Variants in DST observed in about 807,000 individuals in gnomAD.
The protein encoded by DST is dystonin.
Under a neutral mutation model 875.2 loss-of-function variants are expected in DST, and 253 were observed. The observed-to-expected ratio is 0.29, with a 90% CI of 0.26 to 0.32. The LOEUF is 0.32. DST is among the 10% of genes least tolerant of loss of function. The pLI is 1.00. For missense variants in DST, 8,287 were observed against 9,111.6 expected (o/e 0.91, Z 3.68); for synonymous variants, 3,124 against 3,197.1 (o/e 0.98, Z 0.77).
At chr6:56,700,038 A>AGCAGC (rs1238021583) in intron 8 of DST, among the ~76,000 whole-genome samples, 1 of 152,224 alleles carries the variant, frequency 6.6e-6, no homozygotes, top group Non-Finnish European at 1.5e-5. Flanking sequence ...GCAGCAGGTT[A>AGCAGC]GCAGCGGCCC....
At chr6:56,813,527 ATTCCAG>A (rs2099763157) in intron 4 of DST, among the ~76,000 whole-genome samples, 1 of 152,204 alleles carries the variant, frequency 6.6e-6, no homozygotes, top group African/African-American at 2.4e-5. Context: ...TATTTAAAAT[ATTCCAG>A]TTCTTTTACC....
intron 2 of DST, among the ~76,000 whole-genome samples, chr6:56,927,101 T>C (rs1807590053): frequency 6.6e-6 from 1 of 152,228 alleles, no homozygotes; most frequent in Non-Finnish European, 1.5e-5. Flanking sequence ...GCTGCCTGTT[T>C]CACAGTTTGA....
At chr6:56,652,781 C>A (rs781141474) in intron 10 of DST, among the ~76,000 whole-genome samples, 4 of 152,152 alleles carry the variant, frequency 2.6e-5, no homozygotes, top group African/African-American at 4.8e-5. Flanking sequence ...ATGTTTTCAA[C>A]CTGCCACCAA....
rs778565514 is a variant in DST, at chr6:56,646,006, A to G, written c.1651-13T>C. 1.2e-6 allele frequency: 2 copies of G among 1,607,066 alleles called. No individual in the cohort carries two copies. The highest frequency in any genetic ancestry group is 2.2e-5 in the South Asian group (2 of 89,088). On this transcript the variant is annotated splice_polypyrimidine_tract_variant and intron_variant, in intron 14 of 103. Transcript: ENST00000680361. ...ATTCTATCCAAATCTTGAGAAAACA[A>G]AAAACTTTAATGTGAAGCAAAAATG... is the stretch of plus-strand genomic sequence containing the variant.
At chr6:56,761,336 C>T (rs769449890) in intron 4 of DST, among the ~76,000 whole-genome samples, 1 of 152,168 alleles carries the variant, frequency 6.6e-6, no homozygotes, top group Non-Finnish European at 1.5e-5. Context: ...AAGTGGGGGG[C>T]AAATTGTTAT....
At chr6:56,495,687 TGAA>T in intron 82 of DST, among the ~76,000 whole-genome samples, 2 of 152,074 alleles carry the variant, frequency 1.3e-5, no homozygotes, top group East Asian at 3.9e-4. Context: ...ACTTTTCCAG[TGAA>T]ACAAATAGGT....
rs889319324 is a variant in DST at position 56,641,985 on chromosome 6, A to G, written c.1989T>C (p.Ile663=). Residue 663 remains isoleucine, a synonymous_variant, in exon 17 of 104, where the codon ATT becomes ATC. Coordinates refer to ENST00000680361, the MANE Select transcript of DST (RefSeq NM_001374736.1). ...GATCTGCCTGGTAGTATTTTCCATC[A>G]ATAAGAATCTGTACATCAATTACAT... ...RQHVIDVQIL[I]DGKYYQADQL... 1.2e-6 allele frequency: 2 copies of G among 1,613,466 alleles called. No homozygotes were observed. Among genetic ancestry groups the G allele is most frequent in the Non-Finnish European group, 8.5e-7 (1 of 1,179,778 alleles).
At chr6:56,598,274 CTTAAATA>C (rs1156495387) in intron 46 of DST, among the ~76,000 whole-genome samples, 195 bp downstream of exon 46, 1 of 152,170 alleles carries the variant, frequency 6.6e-6, no homozygotes, top group Non-Finnish European at 1.5e-5. Context: ...CACAACCTCA[CTTAAATA>C]TTAAGAAAAA....
intron 3 of DST, among the ~76,000 whole-genome samples, chr6:56,874,335 T>C (rs1047273324): frequency 2.0e-5 from 3 of 152,086 alleles, no homozygotes; most frequent in African/African-American, 7.2e-5. Context: ...CGAGATCCCA[T>C]CTCTTAAAAA....
intron 4 of DST, among the ~76,000 whole-genome samples, chr6:56,810,955 G>A (rs988643372): frequency 1.3e-5 from 2 of 151,954 alleles, no homozygotes; most frequent in Non-Finnish European, 2.9e-5. Flanking sequence ...GCAGAGGCAG[G>A]AGGATCGTTT....
rs553263227 is a variant in DST, at chr6:56,883,374, T to C, written c.417+17047A>G. ...GCACATTTTATACACCATTCACTAA[T>C]ATGGTCTGTCAAATGTTCTAAGTAA... On this transcript the variant is annotated intron_variant, in intron 3 of 103. Transcript: ENST00000680361. 3.3e-5 allele frequency among the ~76,000 whole-genome samples: 5 copies of C among 152,322 alleles called. No homozygotes were observed. The East Asian group carries it at 9.6e-4, about 29-fold the overall frequency.
At chr6:56,642,977 A>C in intron 15 of DST, 1 of 1,365,022 alleles carries the variant, frequency 7.3e-7, no homozygotes, top group Non-Finnish European at 9.7e-7. Context: ...ACTATTCAAA[A>C]GAATCTAGCC....
intron 15 of DST, among the ~76,000 whole-genome samples, chr6:56,644,499 C>T (rs138492070): frequency 2.2e-4 from 34 of 152,092 alleles, no homozygotes; most frequent in Middle Eastern, 3.4e-3. Context: ...GCACTGGCAA[C>T]GCAAGGGACA....
rs1403653646 is a variant in DST, at chr6:56,604,677, A to T, written c.9951T>A (p.Asn3317Lys). ...GTTGCTCAATTCTTTCTTTCTTATT[A>T]TTAATTTCTAAGAATGAATAGTCAG... The part of the protein sequence containing the change: ...LNTDYSFLEI[N>K]NKKERIEQQL... The change falls in exon 40 of 104, where the codon AAT (asparagine) becomes AAA (lysine). Residue 3317 changes from asparagine to lysine, a missense_variant. Around this residue, in one of 10 missense-constraint regions of DST, gnomAD observed 3,138 missense variants for 3,116.6 expected, o/e 1.01. Transcript: ENST00000680361. The T allele has an allele frequency of 6.2e-7, 1 of 1,611,670 alleles. No individual in the cohort carries two copies. The highest frequency in any genetic ancestry group is 2.2e-5 in the East Asian group (1 of 44,868).
In DST at chr6:56,572,644, G is replaced by A. The variant is rs1311809866; in HGVS notation, c.13554+103C>T. ...AACATAGATCTTTACTAATCTATAA[G>A]CAATTAAAATGATTGCCAATTATAA... On this transcript the variant is annotated intron_variant, in intron 52 of 103. Coordinates refer to ENST00000680361, the MANE Select transcript of DST (RefSeq NM_001374736.1). 4.8e-6 allele frequency: 4 copies of A among 835,288 alleles called. No individual in the cohort carries two copies. The East Asian group carries it at 1.1e-4, about 23-fold the overall frequency. 51.7% of individuals were successfully genotyped at this position (835,288 alleles called of 1,614,324 possible).
intron 50 of DST, among the ~76,000 whole-genome samples, chr6:56,576,055 T>G (rs1443939169): frequency 1.3e-5 from 2 of 152,112 alleles, no homozygotes; most frequent in African/African-American, 2.4e-5. Context: ...GGCTGAAGAT[T>G]GAGCTGCTAC....
At chr6:56,636,530 A>G (rs769480856) in intron 23 of DST, 27 bp downstream of exon 23, 59 of 1,577,290 alleles carry the variant, frequency 3.7e-5, no homozygotes, top group Non-Finnish European at 4.7e-5. Context: ...AATACCATCT[A>G]TTGAAGTTAT....
intron 2 of DST, among the ~76,000 whole-genome samples, chr6:56,910,638 C>T (rs1798452085): frequency 6.6e-6 from 1 of 152,020 alleles, no homozygotes; most frequent in Admixed American, 6.6e-5. Context: ...GCATATACCA[C>T]CACACCTGGC....
At chr6:56,481,825 C>T (rs2095411042) in intron 90 of DST, among the ~76,000 whole-genome samples, 2 of 152,052 alleles carry the variant, frequency 1.3e-5, no homozygotes, top group Non-Finnish European at 2.9e-5. Context: ...AACTACCTTC[C>T]CTGAAAAGGA....
Sources: allele counts gnomAD v4.1 joint callset (sites outside exome capture counted in the v4.1 genomes callset), GRCh38; gene constraint gnomAD v4.1.1; regional missense constraint gnomAD v4.1.1; transcripts MANE v1.5; gene names NCBI Gene and HGNC (gene_info 2026-07-23, HGNC 2026-07-21).